The following CCDC91 variants were observed in gnomAD, a reference collection of about 807,000 sequenced individuals.
CCDC91 encodes the protein coiled-coil domain-containing protein 91.
In CCDC91, 48 loss-of-function variants were observed where a neutral mutation model predicts 63.2. The observed-to-expected ratio is 0.76, with a 90% CI of 0.60 to 0.97. CCDC91 has a LOEUF of 0.97. Ranked by LOEUF, CCDC91 falls within the 50% of genes least tolerant of loss-of-function variation. CCDC91 has a pLI of 0.00. For missense variants in CCDC91, 500 were observed against 494.6 expected (o/e 1.01, Z -0.10); for synonymous variants, 167 against 165.8 (o/e 1.01, Z -0.06).
intron 1 of CCDC91, chr12:28,256,857 T>C (rs1056848620): frequency 9.9e-6 from 2 of 201,108 alleles, no homozygotes. Flanking sequence ...GAGTTTGTGC[T>C]GATGTTGCCA....
intron 11 of CCDC91, among the ~76,000 whole-genome samples, chr12:28,481,277 A>T (rs1951432901): frequency 6.6e-6 from 1 of 152,016 alleles, no homozygotes; most frequent in African/African-American, 2.4e-5. Context: ...CTCAACTGGA[A>T]GCCATCTAGT....
intron 12 of CCDC91, among the ~76,000 whole-genome samples, chr12:28,505,956 A>T (rs1232812044): frequency 6.6e-6 from 1 of 151,996 alleles, no homozygotes; most frequent in Non-Finnish European, 1.5e-5. Flanking sequence ...TTCAATTCCT[A>T]TGTAGATTTC....
chr12:28,232,637 T>C (rs1288436082), intron 1 of CCDC91, among the ~76,000 whole-genome samples: 1 of 152,130 alleles, frequency 6.6e-6, no homozygotes, highest in African/African-American at 2.4e-5. Flanking sequence ...AGCTAAGTTT[T>C]GTGGTCATTT....
intron 8 of CCDC91, among the ~76,000 whole-genome samples, chr12:28,446,253 T>C (rs1477552758): frequency 2.0e-5 from 3 of 152,164 alleles, no homozygotes; most frequent in Non-Finnish European, 4.4e-5. Flanking sequence ...TTTGGGAATC[T>C]CCACAACCAT....
At chr12:28,365,813 C>T (rs1944234547) in intron 7 of CCDC91, among the ~76,000 whole-genome samples, 1 of 152,176 alleles carries the variant, frequency 6.6e-6, no homozygotes, top group African/African-American at 2.4e-5. Flanking sequence ...TTTTACCTCT[C>T]CCTCCCCTGT....
At chr12:28,308,109 T>C (rs1592266027) in intron 6 of CCDC91, among the ~76,000 whole-genome samples, 1 of 151,896 alleles carries the variant, frequency 6.6e-6, no homozygotes, top group Non-Finnish European at 1.5e-5. Context: ...AAATAAATTG[T>C]CTCCTTTTCT....
intron 3 of CCDC91, among the ~76,000 whole-genome samples, chr12:28,280,112 A>C (rs1317323495): frequency 6.6e-6 from 1 of 152,140 alleles, no homozygotes; most frequent in South Asian, 2.1e-4. Context: ...ACCTTTTAAA[A>C]AGTCAGTGTA....
chr12:28,376,377 C>T (rs1168029357), intron 7 of CCDC91, among the ~76,000 whole-genome samples: 1 of 151,308 alleles, frequency 6.6e-6, no homozygotes, highest in South Asian at 2.1e-4. Flanking sequence ...TAACAGAAAC[C>T]AAATGAGTGT....
intron 12 of CCDC91, among the ~76,000 whole-genome samples, chr12:28,511,060 G>A (rs1422881223): frequency 1.3e-5 from 2 of 151,832 alleles, no homozygotes; most frequent in African/African-American, 2.4e-5. Flanking sequence ...ATAATTCTAA[G>A]TTCATCAGCT....
intron 11 of CCDC91, among the ~76,000 whole-genome samples, chr12:28,475,062 G>A (rs1192575804): frequency 6.6e-6 from 1 of 151,950 alleles, no homozygotes; most frequent in East Asian, 1.9e-4. Flanking sequence ...GGTGTGCTGT[G>A]CATGGTATTT....
At chr12:28,508,856 A>G (rs1939047449) in intron 12 of CCDC91, among the ~76,000 whole-genome samples, 1 of 151,910 alleles carries the variant, frequency 6.6e-6, no homozygotes, top group Admixed American at 6.6e-5. Context: ...CATAAATTGT[A>G]CTTCTGGGAA....
At chr12:28,370,771 A>G (rs1944569274) in intron 7 of CCDC91, among the ~76,000 whole-genome samples, 3 of 152,166 alleles carry the variant, frequency 2.0e-5, no homozygotes, top group Admixed American at 2.0e-4. Flanking sequence ...GAAAACTTAT[A>G]ATCGTGGCAG....
chr12:28,216,066 A>G (rs974045654), intron 1 of CCDC91, among the ~76,000 whole-genome samples: 4 of 152,112 alleles, frequency 2.6e-5, no homozygotes, highest in African/African-American at 7.2e-5. Context: ...TTTTAAGTAA[A>G]GAAGGAGTAA....
intron 8 of CCDC91, chr12:28,412,907 C>T: frequency 5.1e-6 from 2 of 392,988 alleles, no homozygotes; most frequent in Non-Finnish European, 1.0e-5. Context: ...TCCAGCTGGC[C>T]TCACCTCTCA....
chr12:28,484,861 A>G (rs1204680342), intron 12 of CCDC91, among the ~76,000 whole-genome samples: 1 of 150,170 alleles, frequency 6.7e-6, no homozygotes, highest in Non-Finnish European at 1.5e-5. Flanking sequence ...AATAAAATAT[A>G]TAATAAAATT....
At chr12:28,441,081 A>G (rs1165902642) in intron 8 of CCDC91, among the ~76,000 whole-genome samples, 16 of 8,698 alleles carry the variant, frequency 1.8e-3, no homozygotes, top group African/African-American at 0.014. Context: ...AAAAAAAAAA[A>G]AAAGAAAAGA....
At chr12:28,493,399 G>C (rs1238019334) in intron 12 of CCDC91, among the ~76,000 whole-genome samples, 2 of 151,206 alleles carry the variant, frequency 1.3e-5, no homozygotes, top group African/African-American at 2.4e-5. Context: ...GTTTTTACAG[G>C]CTCCATCTAA....
At position 28,267,876 on chromosome 12, in the gene CCDC91, TATATAATTATTATA is replaced by T. The variant is rs1372036374; in HGVS notation, c.109+8437_109+8450del. ...AGTAATATATAATTATATATAATTA[TATATAATTATTATA>T]ATTATATATAATTATATTATATATA... On this transcript the variant is annotated intron_variant, in intron 3 of 12. Transcript: ENST00000536442. 4.3e-3 allele frequency among the ~76,000 whole-genome samples: 343 copies of T among 79,128 alleles called. 17 individuals are homozygous for T. Among genetic ancestry groups the T allele is most frequent in the South Asian group, 0.011 (30 of 2,852 alleles). The allele number at this position is 79,128 out of a possible 152,430, so 51.9% of individuals were successfully genotyped here. A position where few individuals can be genotyped will look rare whatever the true frequency, so the allele number is the denominator to read the frequency against.
intron 7 of CCDC91, among the ~76,000 whole-genome samples, chr12:28,381,299 T>G (rs1458365300): frequency 6.6e-6 from 1 of 152,098 alleles, no homozygotes; most frequent in Non-Finnish European, 1.5e-5. Context: ...GGTAATCAAC[T>G]TTGGGAAACC....
Sources: gnomAD v4.1 joint callset for allele counts (sites outside exome capture counted in the v4.1 genomes callset) on GRCh38, gnomAD v4.1.1 for gene constraint, MANE v1.5 for transcripts, NCBI Gene and HGNC (gene_info 2026-07-23, HGNC 2026-07-21) for gene names.